DLG2: variants seen among roughly 807,000 people sequenced by gnomAD.
DLG2 encodes discs large MAGUK scaffold protein 2.
DLG2 carries 45 observed loss-of-function variants against 132.5 expected under a neutral mutation model. The ratio of observed to expected loss-of-function variants is 0.34; its 90% CI spans 0.27 to 0.44. DLG2 has a LOEUF of 0.44. Among genes scored for constraint, DLG2 ranks in the 20% least tolerant of loss-of-function variants. DLG2 has a pLI of 1.00. For missense variants in DLG2, 1,045 were observed against 1,196.9 expected, an observed-to-expected ratio of 0.87 and a Z score of 1.87; for synonymous variants, 424 against 419.6, an observed-to-expected ratio of 1.01 and a Z score of -0.13.
chr11:84,941,217 G>T (rs2049376211), intron 6 of DLG2, among the ~76,000 whole-genome samples: 1 of 151,986 alleles, frequency 6.6e-6, no homozygotes, highest in Admixed American at 6.6e-5. Context: ...TGTATCTTTT[G>T]TGTTTTCACA....
intron 6 of DLG2, among the ~76,000 whole-genome samples, chr11:84,670,952 GA>G (rs963800998): frequency 9.2e-5 from 14 of 151,776 alleles, no homozygotes; most frequent in African/African-American, 2.2e-4. Flanking sequence ...ATTACCATAA[GA>G]AAAAAAATTA....
At chr11:84,407,519 G>A (rs193192334) in intron 7 of DLG2, among the ~76,000 whole-genome samples, 81 of 152,244 alleles carry the variant, frequency 5.3e-4, no homozygotes, top group African/African-American at 1.3e-3. Flanking sequence ...TCTGGACCTA[G>A]GTCAGGTTAT....
At chr11:85,126,122 AAG>A (rs1206323753) in intron 5 of DLG2, among the ~76,000 whole-genome samples, 1 of 152,246 alleles carries the variant, frequency 6.6e-6, no homozygotes, top group Non-Finnish European at 1.5e-5. Context: ...GACACCTTCA[AAG>A]AACGGCGGGA....
At chr11:83,706,383 T>G (rs1051575997) in intron 18 of DLG2, among the ~76,000 whole-genome samples, 1 of 152,102 alleles carries the variant, frequency 6.6e-6, no homozygotes, top group African/African-American at 2.4e-5. Flanking sequence ...TCATAGGACA[T>G]GTTAAGGCAG....
intron 18 of DLG2, among the ~76,000 whole-genome samples, chr11:83,667,379 G>A (rs979227543): frequency 1.3e-5 from 2 of 152,162 alleles, no homozygotes; most frequent in African/African-American, 4.8e-5. Flanking sequence ...TGAATATGCA[G>A]CTGGCATGAT....
At chr11:83,480,609 CT>C in intron 22 of DLG2, 2 of 1,557,116 alleles carry the variant, frequency 1.3e-6, no homozygotes, top group South Asian at 1.2e-5. Context: ...GAACCCGCTG[CT>C]TGATTGCTGT....
chr11:84,363,199 A>G (rs1356859559), intron 7 of DLG2, among the ~76,000 whole-genome samples: 2 of 152,126 alleles, frequency 1.3e-5, no homozygotes, highest in South Asian at 4.2e-4. Context: ...AATGATCGCC[A>G]TTCTAACTGG....
At chr11:84,439,951 G>C (rs1450565121) in intron 7 of DLG2, among the ~76,000 whole-genome samples, 1 of 152,154 alleles carries the variant, frequency 6.6e-6, no homozygotes, top group Non-Finnish European at 1.5e-5. Flanking sequence ...AATTTACTCT[G>C]ATGGGACTGA....
chr11:83,901,521 G>C (rs1036031791), intron 15 of DLG2, among the ~76,000 whole-genome samples: 1 of 152,124 alleles, frequency 6.6e-6, no homozygotes, highest in African/African-American at 2.4e-5. Context: ...TAAAAACTAA[G>C]TTTCCTTGTA....
At chr11:83,713,463 A>G (rs1441588139) in intron 18 of DLG2, among the ~76,000 whole-genome samples, 4 of 152,238 alleles carry the variant, frequency 2.6e-5, no homozygotes, top group African/African-American at 9.6e-5. Flanking sequence ...GCCTAAAGAA[A>G]GTATTTAAAT....
intron 6 of DLG2, among the ~76,000 whole-genome samples, chr11:84,583,914 CTATTA>C (rs2154529510): frequency 6.6e-6 from 1 of 151,976 alleles, no homozygotes; most frequent in African/African-American, 2.4e-5. Flanking sequence ...ATATATTATT[CTATTA>C]TGTGAATATT....
At chr11:85,279,112 C>G (rs1224788013) in intron 4 of DLG2, among the ~76,000 whole-genome samples, 1 of 151,822 alleles carries the variant, frequency 6.6e-6, no homozygotes, top group Non-Finnish European at 1.5e-5. Context: ...ACACCAAGTC[C>G]AATAAAGAAG....
intron 7 of DLG2, among the ~76,000 whole-genome samples, chr11:84,527,113 A>G (rs2099323562): frequency 6.6e-6 from 1 of 152,170 alleles, no homozygotes; most frequent in South Asian, 2.1e-4. Context: ...CCCACAGATA[A>G]GTGGGGACTA....
intron 17 of DLG2, among the ~76,000 whole-genome samples, chr11:83,817,342 A>G (rs1033694330): frequency 2.6e-5 from 4 of 152,176 alleles, no homozygotes; most frequent in African/African-American, 9.6e-5. Flanking sequence ...ATAGAATAGA[A>G]GAGTTATTCA....
intron 3 of DLG2, among the ~76,000 whole-genome samples, chr11:85,509,310 T>C (rs2094004792): frequency 6.6e-6 from 1 of 152,068 alleles, no homozygotes; most frequent in Non-Finnish European, 1.5e-5. Context: ...CTTAAAATCA[T>C]ACTCTAGAGG....
chr11:85,505,197 T>C (rs1248743326), intron 3 of DLG2, among the ~76,000 whole-genome samples: 3 of 152,330 alleles, frequency 2.0e-5, no homozygotes, highest in Admixed American at 6.5e-5. Flanking sequence ...CTTTTCCTAA[T>C]TGAATACCCT....
chr11:85,165,946 T>C (rs2078408213), intron 4 of DLG2, among the ~76,000 whole-genome samples: 1 of 152,108 alleles, frequency 6.6e-6, no homozygotes, highest in African/African-American at 2.4e-5. Flanking sequence ...CCTGTGCAGC[T>C]AACTACTACA....
intron 6 of DLG2, among the ~76,000 whole-genome samples, chr11:84,959,000 T>C (rs564989258): frequency 1.3e-5 from 2 of 152,306 alleles, no homozygotes; most frequent in East Asian, 3.9e-4. Flanking sequence ...TCTGGGTCCT[T>C]TGGACAGCGC....
chr11:83,468,981 C>G (rs986612213), intron 25 of DLG2, among the ~76,000 whole-genome samples: 1 of 152,108 alleles, frequency 6.6e-6, no homozygotes, highest in African/African-American at 2.4e-5. Context: ...AGACAAAGCC[C>G]TCTTCCTACT....
Sources: gnomAD v4.1 joint callset for allele counts (sites outside exome capture counted in the v4.1 genomes callset) on GRCh38, gnomAD v4.1.1 for gene constraint, MANE v1.5 for transcripts, NCBI Gene and HGNC (gene_info 2026-07-23, HGNC 2026-07-21) for gene names.